Variants in CBX5 observed in about 807,000 individuals in gnomAD.
The protein encoded by CBX5 is chromobox 5, also known as chromobox protein homolog 5.
CBX5 carries 7 observed loss-of-function variants against 20.7 expected under a neutral mutation model. The observed-to-expected ratio is 0.34, with a 90% CI of 0.19 to 0.63. The LOEUF (loss-of-function observed/expected upper bound fraction) is 0.63. CBX5 is among the 30% of genes least tolerant of loss of function. CBX5 has a pLI of 0.75. For missense variants in CBX5, 110 were observed against 224.1 expected (o/e 0.49, Z 3.25); for synonymous variants, 78 against 77.0 (o/e 1.01, Z -0.07).
At chr12:54,262,803 T>C (rs1211572194) in intron 1 of CBX5, 1 of 152,314 alleles carries the variant, frequency 6.6e-6, no homozygotes, top group Non-Finnish European at 1.5e-5. Flanking sequence ...AGGAGGGAGC[T>C]TTCCAGCATG....
chr12:54,279,123 C>G (rs1027825444), intron 1 of CBX5: 1 of 152,142 alleles, frequency 6.6e-6, no homozygotes, highest in African/African-American at 2.4e-5. Flanking sequence ...GTGTAGCTTT[C>G]CAAAACTTTT....
intron 1 of CBX5, 82 bp from the exon 2 acceptor site, chr12:54,257,774 A>G: frequency 1.0e-6 from 1 of 1,002,274 alleles, no homozygotes; most frequent in South Asian, 1.5e-5. Context: ...TGAAAAGGGG[A>G]TAACACTGAG....
chr12:54,237,323 C>T lies in CBX5; in HGVS notation c.*4432G>A, dbSNP rs1359432952. 6.6e-6 allele frequency: 1 copy of T among 152,090 alleles called. No individual in the cohort carries two copies. The highest frequency in any genetic ancestry group is 1.5e-5 in the Non-Finnish European group (1 of 68,028). The allele number at this position is 152,090 out of a possible 1,614,324, so 9.4% of individuals were successfully genotyped here. On this transcript the variant is annotated 3_prime_UTR_variant, in exon 5 of 5. Coordinates refer to ENST00000209875, the MANE Select transcript of CBX5 (RefSeq NM_012117.3). ...GAAAAACAAACAAACAAACAAAAAA[C>T]CCCAGCAAATAAAGGATTTTCCATG...
intron 4 of CBX5, 145 bp downstream of exon 4, chr12:54,245,970 C>T (rs1166187378): frequency 1.1e-5 from 7 of 630,660 alleles, no homozygotes; most frequent in Middle Eastern, 5.2e-4. Context: ...CAACAAAGGG[C>T]GAAACACTGT....
chr12:54,252,151 T>C lies in CBX5; in HGVS notation c.214A>G (p.Lys72Glu), dbSNP rs1332057542. Residue 72 changes from lysine (K) to glutamate (E), a missense_variant, in exon 3 of 5, where the codon AAG (lysine) becomes GAG (glutamate). Around this residue, in one of 3 missense-constraint regions of CBX5, gnomAD observed 58 missense variants for 120.6 expected, o/e 0.48. Coordinates refer to ENST00000209875, the MANE Select transcript of CBX5 (RefSeq NM_012117.3). Reference protein sequence around the residue: ...LISEFMKKYKKMKEGENNKPR... With the variant: ...LISEFMKKYKEMKEGENNKPR... ...TTATTATTTTCACCCTCCTTCATCT[T>C]CTTATACTTTTTCATAAATTCAGAA... is the stretch of plus-strand genomic sequence containing the variant. 2.5e-6 allele frequency: 4 copies of C among 1,611,264 alleles called. No homozygotes were observed. In the Admixed American group the frequency reaches 6.7e-5, roughly 27 times the overall value.
rs926609537 is a variant in CBX5, at chr12:54,236,631, A to C, written c.*5124T>G. Reference sequence around the variant, plus strand: ...TTACAAAAGTACGGATCTCAACACTATATTTTTTATTCTAAAATCTCAACC... The same window carrying C: ...TTACAAAAGTACGGATCTCAACACTCTATTTTTTATTCTAAAATCTCAACC... On this transcript the variant is annotated 3_prime_UTR_variant, in exon 5 of 5. Coordinates refer to ENST00000209875, the MANE Select transcript of CBX5 (RefSeq NM_012117.3). 2 of 152,182 alleles carry C rather than the reference A, an allele frequency of 1.3e-5. No individual in the cohort carries two copies. The highest frequency in any genetic ancestry group is 2.4e-5 in the African/African-American group (1 of 41,448). The allele number at this position is 152,182 out of a possible 1,614,324, so 9.4% of individuals were successfully genotyped here.
At chr12:54,268,148 A>G (rs1565873922) in intron 1 of CBX5, among the ~76,000 whole-genome samples, 1 of 152,128 alleles carries the variant, frequency 6.6e-6, no homozygotes, top group African/African-American at 2.4e-5. Context: ...CATCTCAAAC[A>G]AACAACAACA....
At position 54,241,065 on chromosome 12, in the gene CBX5, G is replaced by C. The variant is rs1222261037; in HGVS notation, c.*690C>G. Reference sequence around the variant, plus strand: ...GAAGCAGAAGTGGGGAGTGCTAAAAGCAATACCGAAAGTCCTGGGGCTAAA... The same window carrying C: ...GAAGCAGAAGTGGGGAGTGCTAAAACCAATACCGAAAGTCCTGGGGCTAAA... On this transcript the variant is annotated 3_prime_UTR_variant, in exon 5 of 5. Coordinates refer to ENST00000209875, the MANE Select transcript of CBX5 (RefSeq NM_012117.3). 6.6e-6 allele frequency: 1 copy of C among 152,108 alleles called. No homozygotes were observed. Among genetic ancestry groups the C allele is most frequent in the African/African-American group, 2.4e-5 (1 of 41,414 alleles). The allele number at this position is 152,108 out of a possible 1,614,324, so 9.4% of individuals were successfully genotyped here. A position where few individuals can be genotyped will look rare whatever the true frequency, so the allele number is the denominator to read the frequency against.
At chr12:54,257,437 T>A in intron 2 of CBX5, 77 bp downstream of exon 2, 1 of 1,480,756 alleles carries the variant, frequency 6.8e-7, no homozygotes, top group East Asian at 2.3e-5. Context: ...ACAAAAATGC[T>A]TGTGATTCCT....
chr12:54,274,290 A>C (rs1250085148), intron 1 of CBX5: 2 of 152,236 alleles, frequency 1.3e-5, no homozygotes, highest in Non-Finnish European at 2.9e-5. Flanking sequence ...AACTCTTCTC[A>C]GGATGACCTG....
chr12:54,272,841 G>A lies in CBX5; in HGVS notation c.-43+7167C>T, dbSNP rs931463041. Reference sequence around the variant, plus strand: ...TCTTAGGTCTAGAAGGCTTGTTAACGATCACTTATCCAACTCCTTCCCTAT... The same window carrying A: ...TCTTAGGTCTAGAAGGCTTGTTAACAATCACTTATCCAACTCCTTCCCTAT... On this transcript the variant is annotated intron_variant, in intron 1 of 4. Transcript: ENST00000209875. 3.3e-5 allele frequency: 5 copies of A among 152,150 alleles called. No homozygotes were observed. In the East Asian group the frequency reaches 5.8e-4, roughly 18 times the overall value. The allele number at this position is 152,150 out of a possible 1,614,324, so 9.4% of individuals were successfully genotyped here. A position where few individuals can be genotyped will look rare whatever the true frequency, so the allele number is the denominator to read the frequency against.
rs1943676268 is a variant in CBX5, at chr12:54,241,516, A to T, written c.*239T>A. ...AAGAGATCAGGGCAAAGGAAAAAAA[A>T]ATTGTGGGTATTACACTCAGTATGT... is the stretch of plus-strand genomic sequence containing the variant. On this transcript the variant is annotated 3_prime_UTR_variant, in exon 5 of 5. Coordinates refer to ENST00000209875, the MANE Select transcript of CBX5 (RefSeq NM_012117.3). The T allele has an allele frequency of 1.9e-5, 8 of 432,046 alleles. No individual in the cohort carries two copies. In the South Asian group the frequency reaches 3.9e-4, roughly 21 times the overall value. 26.8% of individuals were successfully genotyped at this position (432,046 alleles called of 1,614,324 possible).
chr12:54,234,212 A>G lies in CBX5; in HGVS notation c.*7543T>C, dbSNP rs989188578. Reference sequence around the variant, plus strand: ...AAAAAAAAAAAAAAAAAAAAGGTTCAATATGGATACTCTAGGTACAGGAAC... The same window carrying G: ...AAAAAAAAAAAAAAAAAAAAGGTTCGATATGGATACTCTAGGTACAGGAAC... On this transcript the variant is annotated 3_prime_UTR_variant, in exon 5 of 5. Transcript: ENST00000209875. The G allele has an allele frequency of 5.4e-5, 8 of 149,404 alleles. No individual in the cohort carries two copies. The highest frequency in any genetic ancestry group is 1.2e-4 in the Non-Finnish European group (8 of 67,488). 9.3% of individuals were successfully genotyped at this position (149,404 alleles called of 1,614,324 possible).
chr12:54,262,974 A>G (rs767560226), intron 1 of CBX5: 3 of 152,276 alleles, frequency 2.0e-5, no homozygotes, highest in African/African-American at 4.8e-5. Context: ...TCTTTCAGGC[A>G]TAACAGCTCT....
rs184236437 is a variant in CBX5, at chr12:54,246,223, T to C, written c.325-8A>G. On this transcript the variant is annotated splice_polypyrimidine_tract_variant and splice_region_variant and intron_variant, in intron 3 of 4. Transcript: ENST00000209875. ...AGCGATATCATTGCTCTGCTATAAA[T>C]AGAAGATAAAGAAAGGTTACAGCTT... 488 of 1,601,210 alleles carry C rather than the reference T, an allele frequency of 3.0e-4. 10 individuals carry two copies. The East Asian group carries it at 8.8e-3, about 29-fold the overall frequency.
At chr12:54,248,337 T>C (rs1943758632) in intron 3 of CBX5, among the ~76,000 whole-genome samples, 1 of 152,174 alleles carries the variant, frequency 6.6e-6, no homozygotes, top group Admixed American at 6.5e-5. Flanking sequence ...AATGCTAGCC[T>C]CTCTAGTGGC....
intron 4 of CBX5, among the ~76,000 whole-genome samples, chr12:54,244,087 C>T (rs1161544005): frequency 3.3e-5 from 5 of 151,366 alleles, no homozygotes; most frequent in South Asian, 2.1e-4. Flanking sequence ...CTGCAAGCTC[C>T]GCCTCCCGGG....
rs1479140046 is a variant in CBX5, at chr12:54,257,601, T to G, written c.50A>C (p.Glu17Ala). 3.1e-6 allele frequency: 5 copies of G among 1,614,216 alleles called. No homozygotes were observed. Among genetic ancestry groups the G allele is most frequent in the Non-Finnish European group, 4.2e-6 (5 of 1,180,022 alleles). ...CACCTTCTCCACAACATACTCCTCC[T>G]CATCCTCTGAAGAAGAACTGTCAGC... ...RTADSSSSED[E>A]EEYVVEKVLD... The change falls in exon 2 of 5, where the codon GAG becomes GCG. Residue 17 changes from glutamate to alanine, a missense_variant. Glu to Ala is a moderately radical substitution (Grantham distance 107). This residue lies in a region of CBX5 where 58 missense variants were observed against 120.6 expected (regional missense o/e 0.48). Transcript: ENST00000209875.
At chr12:54,261,682 C>A (rs1943916908) in intron 1 of CBX5, among the ~76,000 whole-genome samples, 1 of 99,628 alleles carries the variant, frequency 1.0e-5, no homozygotes, top group Non-Finnish European at 1.8e-5. Flanking sequence ...TCAACTCTTA[C>A]CTTTTAACTT....
Sources: gnomAD v4.1 joint callset for allele counts (sites outside exome capture counted in the v4.1 genomes callset) on GRCh38, gnomAD v4.1.1 for gene constraint, gnomAD v4.1.1 regional missense constraint, MANE v1.5 for transcripts, NCBI Gene and HGNC (gene_info 2026-07-23, HGNC 2026-07-21) for gene names.